The following FREM2 variants were observed in gnomAD, a reference collection of about 807,000 sequenced individuals.
FREM2 encodes FRAS1 related extracellular matrix 2.
FREM2 carries 119 observed loss-of-function variants against 219.9 expected under a neutral mutation model. That is an observed-to-expected ratio of 0.54 (90% confidence interval 0.47 to 0.63). The LOEUF (loss-of-function observed/expected upper bound fraction) is 0.63. Ranked by LOEUF, FREM2 falls within the 30% of genes least tolerant of loss-of-function variation. FREM2 has a pLI of 0.00. For missense variants in FREM2, 4,030 were observed against 3,993.6 expected (o/e 1.01, Z -0.25); for synonymous variants, 1,562 against 1,522.8 (o/e 1.03, Z -0.60).
rs763891920 is a variant in FREM2 at position 38,690,371 on chromosome 13, C to T, written c.3027C>T (p.Ile1009=). The T allele has an allele frequency of 6.2e-7, 1 of 1,614,158 alleles. No homozygotes were observed. The highest frequency in any genetic ancestry group is 8.5e-7 in the Non-Finnish European group (1 of 1,180,038). ...IPAEQFTQRD[I]LEGSVVYTHT... Reference sequence around the variant, plus strand: ...CAGAGCAGTTTACTCAAAGGGACATCTTGGAGGGCTCTGTTGTATATACCC... The same window carrying T: ...CAGAGCAGTTTACTCAAAGGGACATTTTGGAGGGCTCTGTTGTATATACCC... The change falls in exon 1 of 24, where the codon ATC becomes ATT. Residue 1009 remains isoleucine (I), a synonymous_variant. Coordinates refer to ENST00000280481, the MANE Select transcript of FREM2 (RefSeq NM_207361.6).
chr13:38,688,757 C>T lies in FREM2; in HGVS notation c.1413C>T (p.Ser471=), dbSNP rs1276853337. 2 of 1,614,032 alleles carry T rather than the reference C, an allele frequency of 1.2e-6. No homozygotes were observed. Among genetic ancestry groups the T allele is most frequent in the Non-Finnish European group, 1.7e-6 (2 of 1,179,956 alleles). ...GTGGTCCGCAAAACTTGGTCATCAG[C>T]GATGAGGATGACCTAGAAGCAGTGC... ...AGSGPQNLVI[S]DEDDLEAVRL... is the part of the protein sequence containing the mutation. Residue 471 remains serine (S), a synonymous_variant, in exon 1 of 24, where the codon AGC becomes AGT. Transcript: ENST00000280481.
At chr13:38,848,826 T>C (rs188498964) in intron 8 of FREM2, among the ~76,000 whole-genome samples, 156 bp downstream of exon 8, 8 of 152,232 alleles carry the variant, frequency 5.3e-5, no homozygotes, top group Admixed American at 3.3e-4. Flanking sequence ...ATAACAGAAA[T>C]TTATTATCTC....
At chr13:38,861,757 C>T (rs1028556245) in intron 15 of FREM2, among the ~76,000 whole-genome samples, 195 bp downstream of exon 15, 2 of 152,100 alleles carry the variant, frequency 1.3e-5, no homozygotes, top group African/African-American at 4.8e-5. Context: ...TGTAAGCATT[C>T]GTTAAAATTA....
At chr13:38,802,343 A>G (rs560254241) in intron 6 of FREM2, among the ~76,000 whole-genome samples, 93 of 152,312 alleles carry the variant, frequency 6.1e-4, no homozygotes, top group African/African-American at 2.2e-3. Flanking sequence ...AGTGACAATT[A>G]CCTGCTTGGC....
chr13:38,781,385 C>G (rs1034117974), intron 4 of FREM2, among the ~76,000 whole-genome samples: 2 of 152,232 alleles, frequency 1.3e-5, no homozygotes, highest in South Asian at 4.1e-4. Flanking sequence ...CCTCTACTCA[C>G]ACCCTGTCCA....
chr13:38,763,804 A>G (rs1168203423), intron 2 of FREM2, among the ~76,000 whole-genome samples: 2 of 152,188 alleles, frequency 1.3e-5, no homozygotes, highest in Non-Finnish European at 2.9e-5. Context: ...ATAGTGGGGA[A>G]GGGAGGCGGA....
At chr13:38,749,209 T>A (rs1188143101) in intron 2 of FREM2, among the ~76,000 whole-genome samples, 1 of 152,142 alleles carries the variant, frequency 6.6e-6, no homozygotes, top group Non-Finnish European at 1.5e-5. Flanking sequence ...CACAGTTTGG[T>A]GCATTTCTCA....
At chr13:38,702,677 A>T (rs935827216) in intron 2 of FREM2, among the ~76,000 whole-genome samples, 1 of 152,094 alleles carries the variant, frequency 6.6e-6, no homozygotes, top group Non-Finnish European at 1.5e-5. Context: ...ATTAGAATAC[A>T]TGATCACCTG....
chr13:38,755,321 C>G (rs986604956), intron 2 of FREM2, among the ~76,000 whole-genome samples: 70 of 152,250 alleles, frequency 4.6e-4, no homozygotes, highest in African/African-American at 1.6e-3. Context: ...CCCAACTCCC[C>G]CATAGGAGGA....
rs752644817 is a variant in FREM2 at position 38,850,069 on chromosome 13, T to C, written c.6411T>C (p.Tyr2137=). The C allele has an allele frequency of 3.7e-6, 6 of 1,613,950 alleles. No individual in the cohort carries two copies. The highest frequency in any genetic ancestry group is 3.3e-5 in the Admixed American group (2 of 60,022). Residue 2137 remains tyrosine, a synonymous_variant, in exon 9 of 24, where the codon TAT becomes TAC. Transcript: ENST00000280481. ...LPKMQFKERI[Y]TGSESDGQIV... ...AGATGCAATTCAAAGAACGAATATA[T>C]ACTGGCAGCGAAAGTGATGGGCAGA...
At chr13:38,739,237 A>C (rs1385224203) in intron 2 of FREM2, among the ~76,000 whole-genome samples, 1 of 152,202 alleles carries the variant, frequency 6.6e-6, no homozygotes, top group Non-Finnish European at 1.5e-5. Context: ...TTTTAAAAAC[A>C]GGAAAATATT....
chr13:38,876,026 C>T lies in FREM2; in HGVS notation c.8286C>T (p.Ser2762=). The change falls in exon 19 of 24, where the codon TCC becomes TCT. Residue 2762 remains serine (S), a synonymous_variant. Coordinates refer to ENST00000280481, the MANE Select transcript of FREM2 (RefSeq NM_207361.6). The part of the protein sequence containing the change: ...HGLFVLSHPA[S]FTSSVIMSAD... ...TAATTACTGGCACTTTCCTAGCATCCTTTACAAGCTCAGTGATCATGTCAG... is the reference window on the plus strand; with the variant it reads ...TAATTACTGGCACTTTCCTAGCATCTTTTACAAGCTCAGTGATCATGTCAG... 1.2e-6 allele frequency: 2 copies of T among 1,613,692 alleles called. No homozygotes were observed. Among genetic ancestry groups the T allele is most frequent in the East Asian group, 4.5e-5 (2 of 44,880 alleles).
At chr13:38,825,663 C>T (rs1271469622) in intron 6 of FREM2, among the ~76,000 whole-genome samples, 1 of 152,066 alleles carries the variant, frequency 6.6e-6, no homozygotes, top group Non-Finnish European at 1.5e-5. Flanking sequence ...AGTGACATTA[C>T]ATGTATCTGA....
At chr13:38,797,303 G>C (rs568905523) in intron 6 of FREM2, among the ~76,000 whole-genome samples, 3 of 152,030 alleles carry the variant, frequency 2.0e-5, no homozygotes, top group African/African-American at 7.2e-5. Context: ...CAGTCTAACG[G>C]GTAAGATGCT....
At position 38,886,071 on chromosome 13, in the gene FREM2, G is replaced by A. The variant is rs1566179631; in HGVS notation, c.*5284G>A. The A allele has an allele frequency of 6.6e-6, 1 of 152,064 alleles. No homozygotes were observed. The highest frequency in any genetic ancestry group is 1.5e-5 in the Non-Finnish European group (1 of 68,008). The allele number at this position is 152,064 out of a possible 1,614,324, so 9.4% of individuals were successfully genotyped here. A position where few individuals can be genotyped will look rare whatever the true frequency, so the allele number is the denominator to read the frequency against. On this transcript the variant is annotated 3_prime_UTR_variant, in exon 24 of 24. Coordinates refer to ENST00000280481, the MANE Select transcript of FREM2 (RefSeq NM_207361.6). ...ACTATGGATCTTTATTTTCCCCAAT[G>A]TTTGGATCATCCTCTCAGATAAGAA...
At chr13:38,694,637 C>T (rs1870029673) in intron 1 of FREM2, among the ~76,000 whole-genome samples, 1 of 152,128 alleles carries the variant, frequency 6.6e-6, no homozygotes, top group South Asian at 2.1e-4. Context: ...GTCAGTTTAG[C>T]ACAGGTAGCT....
intron 7 of FREM2, among the ~76,000 whole-genome samples, chr13:38,847,624 A>G (rs527890286): frequency 6.6e-6 from 1 of 152,196 alleles, no homozygotes; most frequent in Non-Finnish European, 1.5e-5. Context: ...AAAGAACCAC[A>G]GGGAGATATG....
chr13:38,880,555 C>G lies in FREM2; in HGVS notation c.9278C>G (p.Pro3093Arg), dbSNP rs1298369941. 6.2e-7 allele frequency: 1 copy of G among 1,614,106 alleles called. No individual in the cohort carries two copies. Among genetic ancestry groups the G allele is most frequent in the Non-Finnish European group, 8.5e-7 (1 of 1,180,052 alleles). Residue 3093 changes from proline to arginine, a missense_variant, in exon 24 of 24, where the codon CCT becomes CGT. By Grantham distance (103) the Pro-to-Arg change is moderately radical (BLOSUM62 -2). Coordinates refer to ENST00000280481, the MANE Select transcript of FREM2 (RefSeq NM_207361.6). Reference sequence around the variant, plus strand: ...AGGCAGATCCCCCATGGGAGAGCACCTCCAGATGGCATCCTCCCCTGGGAG... The same window carrying G: ...AGGCAGATCCCCCATGGGAGAGCACGTCCAGATGGCATCCTCCCCTGGGAG... ...TKRQIPHGRAPPDGILPWELN... is the reference protein window; with the variant it reads ...TKRQIPHGRARPDGILPWELN...
chr13:38,778,435 A>G (rs903810740), intron 4 of FREM2, among the ~76,000 whole-genome samples: 1 of 152,112 alleles, frequency 6.6e-6, no homozygotes, highest in Non-Finnish European at 1.5e-5. Flanking sequence ...TCTTCTTCTT[A>G]TAAGGACACT....
Sources: allele counts gnomAD v4.1 joint callset (sites outside exome capture counted in the v4.1 genomes callset), GRCh38; gene constraint gnomAD v4.1.1; transcripts MANE v1.5; gene names NCBI Gene and HGNC (gene_info 2026-07-23, HGNC 2026-07-21).